Variants in FANCG observed in about 807,000 individuals in gnomAD.
FANCG encodes the protein FA complementation group G.
In FANCG, 67 loss-of-function variants were observed where a neutral mutation model predicts 73.3. The observed-to-expected ratio is 0.91, with a 90% CI of 0.75 to 1.12. The LOEUF is 1.12. FANCG is among the 50% of genes most tolerant of loss of function. The pLI is 0.00. For synonymous variants in FANCG, 297 were observed against 311.6 expected, an observed-to-expected ratio of 0.95 and a Z score of 0.49; for missense variants, 643 against 735.6, an observed-to-expected ratio of 0.87 and a Z score of 1.46.
At position 35,074,508 on chromosome 9, in the gene FANCG, C is replaced by A. The variant is rs2131052040; in HGVS notation, c.1637-14G>T. On this transcript the variant is annotated splice_polypyrimidine_tract_variant and intron_variant, in intron 12 of 13. Coordinates refer to ENST00000378643, the MANE Select transcript of FANCG (RefSeq NM_004629.2). Reference sequence around the variant, plus strand: ...TGTCTCGATTACCTGTAGCCCCAGCCCAGAGTACAGAGTCTTAGAACTTGA... The same window carrying A: ...TGTCTCGATTACCTGTAGCCCCAGCACAGAGTACAGAGTCTTAGAACTTGA... 3.1e-6 allele frequency: 5 copies of A among 1,613,782 alleles called. No homozygotes were observed. Among genetic ancestry groups the A allele is most frequent in the Non-Finnish European group, 4.2e-6 (5 of 1,179,966 alleles).
At chr9:35,079,130 T>A in intron 2 of FANCG, 21 bp downstream of exon 2, 11 of 1,592,438 alleles carry the variant, frequency 6.9e-6, no homozygotes, top group Non-Finnish European at 8.6e-6. Flanking sequence ...GAACTGACCA[T>A]CCTGGGGAGG....
In FANCG at chr9:35,079,603, C is replaced by A; in HGVS notation, c.-79G>T. On this transcript the variant is annotated 5_prime_UTR_variant, in exon 1 of 14. Transcript: ENST00000378643. ...GGCCTGCCCAAGCTCCCAACCCCAG[C>A]GGGGAGGGGCCTGGGCACTTCTGCA... 6.9e-7 allele frequency: 1 copy of A among 1,442,072 alleles called. No homozygotes were observed. Among genetic ancestry groups the A allele is most frequent in the Non-Finnish European group, 9.7e-7 (1 of 1,027,328 alleles). The allele number at this position is 1,442,072 out of a possible 1,614,324, so 89.3% of individuals were successfully genotyped here.
At chr9:35,077,243 T>C (rs373405787) in intron 5 of FANCG, 21 bp downstream of exon 5, 4 of 1,614,168 alleles carry the variant, frequency 2.5e-6, no homozygotes, top group Non-Finnish European at 3.4e-6. Context: ...GTAGAAGAGA[T>C]GAGTCAGGTT....
chr9:35,077,864 T>A (rs1368895873), intron 4 of FANCG: 2 of 500,172 alleles, frequency 4.0e-6, no homozygotes, highest in Non-Finnish European at 7.3e-6. Flanking sequence ...CCTCCACCTC[T>A]TGGGTTCAAG....
chr9:35,073,953 G>C lies in FANCG; in HGVS notation c.*155C>G. ...TGTTTCCTCCAAAACGAGAATGGTAGTAACTAGGGCAAATTTCACAGGCCT... is the reference window on the plus strand; with the variant it reads ...TGTTTCCTCCAAAACGAGAATGGTACTAACTAGGGCAAATTTCACAGGCCT... On this transcript the variant is annotated 3_prime_UTR_variant, in exon 14 of 14. Coordinates refer to ENST00000378643, the MANE Select transcript of FANCG (RefSeq NM_004629.2). 1.4e-6 allele frequency: 1 copy of C among 710,296 alleles called. No homozygotes were observed. The highest frequency in any genetic ancestry group is 2.5e-6 in the Non-Finnish European group (1 of 392,998). 44.0% of individuals were successfully genotyped at this position (710,296 alleles called of 1,614,324 possible).
intron 2 of FANCG, 47 bp from the exon 3 acceptor site, chr9:35,078,783 C>A: frequency 6.2e-7 from 1 of 1,613,142 alleles, no homozygotes; most frequent in South Asian, 1.1e-5. Context: ...CATGGAAGAT[C>A]CTCCAAATAA....
chr9:35,076,909 C>G lies in FANCG; in HGVS notation c.778-39G>C, dbSNP rs17885376. 3.5e-3 allele frequency: 5,616 copies of G among 1,614,174 alleles called. 168 individuals carry two copies. The African/African-American group carries it at 0.063, about 18-fold the overall frequency. On this transcript the variant is annotated intron_variant, in intron 6 of 13. Transcript: ENST00000378643. ...AGGACACGGGCCTCAGCTACCCTTA[C>G]AAAGCAAAAAGCTATACATAATGCT...
chr9:35,075,732 G>T lies in FANCG; in HGVS notation c.1166C>A (p.Pro389Gln). 1 of 686,980 alleles carries T rather than the reference G, an allele frequency of 1.5e-6. No homozygotes were observed. Among genetic ancestry groups the T allele is most frequent in the South Asian group, 1.4e-5 (1 of 73,238 alleles). 42.6% of individuals were successfully genotyped at this position (686,980 alleles called of 1,614,324 possible). A position where few individuals can be genotyped will look rare whatever the true frequency, so the allele number is the denominator to read the frequency against. Residue 389 changes from proline (P) to glutamine (Q), a missense_variant, in exon 10 of 14, where the codon CCA becomes CAA. Pro to Gln is a moderately conservative substitution (Grantham distance 76, BLOSUM62 -1). Coordinates refer to ENST00000378643, the MANE Select transcript of FANCG (RefSeq NM_004629.2). ...AAACACCTCAGGCATACAGGGCCCT[G>T]GAGGGGAGGGGGGTGGGGAGAACTG... The part of the protein sequence containing the change: ...EPRFSPPPSP[P>Q]GPCMPEVFLE...
intron 12 of FANCG, 92 bp downstream of exon 12, chr9:35,074,835 A>C: frequency 6.6e-7 from 1 of 1,509,308 alleles, no homozygotes; most frequent in South Asian, 1.1e-5. Flanking sequence ...CTGTCTGAGA[A>C]CACCACTCTT....
At chr9:35,078,817 A>C (rs868558479) in intron 2 of FANCG, 81 bp from the exon 3 acceptor site, 1 of 1,572,196 alleles carries the variant, frequency 6.4e-7, no homozygotes, top group East Asian at 2.2e-5. Context: ...AGATCACCCC[A>C]CTCCAACCAA....
In FANCG at chr9:35,079,540, G is replaced by A. The variant is rs764126512; in HGVS notation, c.-16C>T. The A allele has an allele frequency of 2.5e-6, 4 of 1,613,618 alleles. No homozygotes were observed. The highest frequency in any genetic ancestry group is 3.4e-6 in the Non-Finnish European group (4 of 1,179,750). ...GGCGGGACATGGTGGCCGAGGCTGG[G>A]CCCGGAGACCAGAAGCGGACTTAGG... On this transcript the variant is annotated 5_prime_UTR_variant, in exon 1 of 14. Transcript: ENST00000378643.
Position 35,074,431 on chromosome 9 carries a change from G to A in FANCG, c.1700C>T (p.Ala567Val). ...CTCCAGCCTCCACCAGAGTGCAGTGGCCTCATCCCTCCGATCTAGCCTCTT... is the reference window on the plus strand; with the variant it reads ...CTCCAGCCTCCACCAGAGTGCAGTGACCTCATCCCTCCGATCTAGCCTCTT... ...TLKRLDRRDE[A>V]TALWWRLEAQ... is the part of the protein sequence containing the mutation. The change falls in exon 13 of 14, where the codon GCC (alanine) becomes GTC (valine). Residue 567 changes from alanine to valine, a missense_variant. Coordinates refer to ENST00000378643, the MANE Select transcript of FANCG (RefSeq NM_004629.2). 6.2e-7 allele frequency: 1 copy of A among 1,614,168 alleles called. No homozygotes were observed. Among genetic ancestry groups the A allele is most frequent in the Non-Finnish European group, 8.5e-7 (1 of 1,180,034 alleles).
chr9:35,077,338 A>C lies in FANCG; in HGVS notation c.572T>G (p.Leu191Ter), dbSNP rs755361015. Residue 191 changes from leucine to a stop codon, truncating the protein, a stop_gained, in exon 5 of 14, where the codon TTA becomes TGA. Transcript: ENST00000378643. LOFTEE classifies it high-confidence loss of function. ...ATCCTGCAGGGTCAATGGAGCATCTAATTCCTCAGCTGGGGGACTCCAAGT... is the reference window on the plus strand; with the variant it reads ...ATCCTGCAGGGTCAATGGAGCATCTCATTCCTCAGCTGGGGGACTCCAAGT... ...LKTWSPPAEE[L>*]DAPLTLQDAQ... The C allele has an allele frequency of 1.9e-6, 3 of 1,614,174 alleles. No individual in the cohort carries two copies. The highest frequency in any genetic ancestry group is 1.7e-6 in the Non-Finnish European group (2 of 1,180,024).
intron 13 of FANCG, 49 bp from the exon 14 acceptor site, chr9:35,074,265 C>T (rs1829037310): frequency 6.2e-7 from 1 of 1,612,436 alleles, no homozygotes; most frequent in Non-Finnish European, 8.5e-7. Context: ...TGGCAGAAAG[C>T]TGGGCAGCCA....
chr9:35,076,398 G>T, intron 8 of FANCG, 34 bp downstream of exon 8: 2 of 1,612,528 alleles, frequency 1.2e-6, no homozygotes, highest in Non-Finnish European at 8.5e-7. Flanking sequence ...TCAGAAGTGG[G>T]AAGAGAAGCT....
chr9:35,079,723 C>T lies in FANCG; in HGVS notation c.-199G>A, dbSNP rs1223126889. The T allele has an allele frequency of 1.6e-6, 1 of 623,644 alleles. No homozygotes were observed. Among genetic ancestry groups the T allele is most frequent in the East Asian group, 2.8e-5 (1 of 35,872 alleles). The allele number at this position is 623,644 out of a possible 1,614,324, so 38.6% of individuals were successfully genotyped here. ...CGCTCTCTCCCCGCGGCCCGCCGGG[C>T]TCTCAACCTCGCCTCTGGTTGGCCG... On this transcript the variant is annotated 5_prime_UTR_variant, in exon 1 of 14. Coordinates refer to ENST00000378643, the MANE Select transcript of FANCG (RefSeq NM_004629.2).
intron 12 of FANCG, 109 bp downstream of exon 12, chr9:35,074,818 A>C: frequency 3.6e-6 from 5 of 1,375,850 alleles, no homozygotes; most frequent in Non-Finnish European, 4.1e-6. Flanking sequence ...AACCCCAATC[A>C]CCCCTCCTGT....
chr9:35,078,847 C>A, intron 2 of FANCG, 111 bp from the exon 3 acceptor site: 3 of 1,414,972 alleles, frequency 2.1e-6, no homozygotes, highest in South Asian at 1.2e-5. Flanking sequence ...AATAAAGAAC[C>A]CACCCTCCAG....
chr9:35,076,437 C>G lies in FANCG; in HGVS notation c.1071G>C (p.Thr357=). 6.2e-7 allele frequency: 1 copy of G among 1,613,956 alleles called. No individual in the cohort carries two copies. The highest frequency in any genetic ancestry group is 8.5e-7 in the Non-Finnish European group (1 of 1,180,020). The change falls in exon 8 of 14, where the codon ACG becomes ACC. Residue 357 remains threonine, a synonymous_variant. Coordinates refer to ENST00000378643, the MANE Select transcript of FANCG (RefSeq NM_004629.2). Reference sequence around the variant, plus strand: ...GTGAGCAAGGGGAACCTCACCTCCCCGTCTGTAGGCACCTGCTTGCTAGTA... The same window carrying G: ...GTGAGCAAGGGGAACCTCACCTCCCGGTCTGTAGGCACCTGCTTGCTAGTA... ...KHILASRCLQ[T]GRAGDAAEHY...
Sources: allele counts gnomAD v4.1 joint callset, GRCh38; gene constraint gnomAD v4.1.1; transcripts MANE v1.5; gene names NCBI Gene and HGNC (gene_info 2026-07-23, HGNC 2026-07-21).